PCDHGB2: variants seen among roughly 807,000 people sequenced by gnomAD.
PCDHGB2 encodes protocadherin gamma subfamily B, 2.
PCDHGB2 carries 55 observed loss-of-function variants against 59.3 expected under a neutral mutation model. The ratio of observed to expected loss-of-function variants is 0.93; its 90% confidence interval spans 0.75 to 1.16. PCDHGB2 has a LOEUF of 1.16. Among genes scored for constraint, PCDHGB2 ranks in the 50% most tolerant of loss-of-function variants. The pLI, the probability that PCDHGB2 is intolerant of heterozygous loss-of-function variation, is 0.00. For missense variants in PCDHGB2, 1,228 were observed against 1,198.5 expected (o/e 1.02, Z -0.36); for synonymous variants, 516 against 512.0 (o/e 1.01, Z -0.11).
intron 1 of PCDHGB2, chr5:141,365,288 G>A (rs1293975471): frequency 6.2e-7 from 1 of 1,613,960 alleles, no homozygotes; most frequent in Non-Finnish European, 8.5e-7. Context: ...CATGGAAGTG[G>A]TAGCTCAGGA....
chr5:141,431,420 G>A lies in PCDHGB2; in HGVS notation c.2422-63387G>A, dbSNP rs780266425. ...TACGGCCTCCGACGGGGGCGACCCG[G>A]TGCGCACAGGCACCGCGCGCATCCG... On this transcript the variant is annotated intron_variant, in intron 1 of 3. Coordinates refer to ENST00000522605, the MANE Select transcript of PCDHGB2 (RefSeq NM_018923.3). The surrounding 1 kb of genome is among the most constrained non-coding windows in gnomAD (Gnocchi z 4.8). 5 of 1,613,592 alleles carry A rather than the reference G, an allele frequency of 3.1e-6. No homozygotes were observed. The highest frequency in any genetic ancestry group is 3.4e-6 in the Non-Finnish European group (4 of 1,180,050).
chr5:141,421,362 C>T (rs2096566609), intron 1 of PCDHGB2: 1 of 1,613,998 alleles, frequency 6.2e-7, no homozygotes, highest in African/African-American at 1.3e-5. Context: ...AGGGCTCCTT[C>T]GTGGGCAATA....
chr5:141,441,740 G>T (rs1241907865), intron 1 of PCDHGB2: 2 of 364,772 alleles, frequency 5.5e-6, no homozygotes, highest in Non-Finnish European at 1.1e-5. Context: ...ACTAGCTCGC[G>T]CTCGGCGTCA....
chr5:141,405,477 T>A, intron 1 of PCDHGB2: 1 of 1,025,232 alleles, frequency 9.8e-7, no homozygotes, highest in Non-Finnish European at 1.4e-6. Context: ...TGGAATGCAG[T>A]GGTGTGATCT....
At chr5:141,450,152 A>G (rs958894990) in intron 1 of PCDHGB2, among the ~76,000 whole-genome samples, 1 of 151,132 alleles carries the variant, frequency 6.6e-6, no homozygotes, top group East Asian at 2.0e-4. Context: ...GACTACAGGC[A>G]TGTGCCACCA....
chr5:141,403,259 C>G, intron 1 of PCDHGB2: 1 of 1,613,866 alleles, frequency 6.2e-7, no homozygotes, highest in South Asian at 1.1e-5. Context: ...CCCGCGGTGT[C>G]TGGTGAACTT....
intron 1 of PCDHGB2, among the ~76,000 whole-genome samples, chr5:141,444,862 A>G (rs781224880): frequency 1.8e-4 from 28 of 152,198 alleles, no homozygotes; most frequent in Non-Finnish European, 2.9e-4. Flanking sequence ...AAGTCTTACT[A>G]CAGGACAAAG....
intron 1 of PCDHGB2, chr5:141,371,312 A>T (rs889882138): frequency 1.9e-6 from 3 of 1,613,910 alleles, no homozygotes; most frequent in African/African-American, 2.7e-5. Context: ...CTATTGGAGA[A>T]CTGGACTTTG....
chr5:141,505,616 C>A, intron 3 of PCDHGB2, 135 bp downstream of exon 3: 1 of 1,503,160 alleles, frequency 6.7e-7, no homozygotes. Flanking sequence ...CTGAAAGGAC[C>A]CACAATTCCA....
rs1338008428 is a variant in PCDHGB2 at position 141,374,930 on chromosome 5, A to G, written c.2421+12374A>G. The G allele has an allele frequency of 3.1e-6, 5 of 1,613,868 alleles. No homozygotes were observed. Among genetic ancestry groups the G allele is most frequent in the African/African-American group, 1.3e-5 (1 of 74,948 alleles). ...CGGGGAAGTAACTTATTCCTTTGTG[A>G]AGATTACAGAAAAGATCTCACAAAT... is the stretch of plus-strand genomic sequence containing the variant. On this transcript the variant is annotated intron_variant, in intron 1 of 3. Transcript: ENST00000522605.
rs1353509218 is a variant in PCDHGB2, at chr5:141,512,908, TTTATACTC to T, written c.*1737_*1744del. ...CCCTCTTCCTGTGTCTCACGCAAGTTTTATACTCTAATATTTATATGGCTTTTTTTCTT... is the reference window on the plus strand; with the variant it reads ...CCCTCTTCCTGTGTCTCACGCAAGTTTAATATTTATATGGCTTTTTTTCTT... On this transcript the variant is annotated 3_prime_UTR_variant, in exon 4 of 4. Transcript: ENST00000522605. 6.6e-6 allele frequency: 1 copy of T among 152,268 alleles called. No individual in the cohort carries two copies. Among genetic ancestry groups the T allele is most frequent in the Non-Finnish European group, 1.5e-5 (1 of 68,054 alleles). 9.4% of individuals were successfully genotyped at this position (152,268 alleles called of 1,614,324 possible).
intron 1 of PCDHGB2, chr5:141,377,075 T>A (rs552169121): frequency 6.6e-6 from 1 of 152,554 alleles, no homozygotes; most frequent in South Asian, 2.1e-4. Flanking sequence ...GAGAGTCACA[T>A]AATTCTAATG....
At chr5:141,407,958 A>C (rs1018466165) in intron 1 of PCDHGB2, 1 of 660,632 alleles carries the variant, frequency 1.5e-6, no homozygotes, top group African/African-American at 1.8e-5. Context: ...GCCAGTGCAG[A>C]GCAAGCGCTG....
At position 141,365,595 on chromosome 5, in the gene PCDHGB2, T is replaced by A. The variant is rs746207657; in HGVS notation, c.2421+3039T>A. The stretch of plus-strand genomic sequence containing the variant: ...GAGACTTCAGATTATAATATCACTT[T>A]AACCGTCATGGACCATGGAACCCCG... On this transcript the variant is annotated intron_variant, in intron 1 of 3. Transcript: ENST00000522605. 1.9e-6 allele frequency: 3 copies of A among 1,613,672 alleles called. No homozygotes were observed. In the South Asian group the frequency reaches 3.3e-5, roughly 18 times the overall value.
At chr5:141,399,655 G>A in intron 1 of PCDHGB2, 2 of 1,613,730 alleles carry the variant, frequency 1.2e-6, no homozygotes, top group South Asian at 1.1e-5. Context: ...AAGTGGGGTG[G>A]TGTTCGCGCA....
Position 141,423,358 on chromosome 5 carries a change from G to A in PCDHGB2, c.2421+60802G>A, listed in dbSNP as rs202010010. The A allele has an allele frequency of 2.3e-4, 371 of 1,614,078 alleles. 1 individual carries two copies. The highest frequency in any genetic ancestry group is 2.8e-4 in the Non-Finnish European group (334 of 1,180,024). ...CTGCATCTTCCTGGTCTTTGTCATC[G>A]TGCTGCTGGCACTCAGGCTGTGGCG... On this transcript the variant is annotated intron_variant, in intron 1 of 3. Coordinates refer to ENST00000522605, the MANE Select transcript of PCDHGB2 (RefSeq NM_018923.3).
intron 1 of PCDHGB2, chr5:141,441,988 A>G: frequency 3.7e-6 from 1 of 269,936 alleles, no homozygotes; most frequent in Non-Finnish European, 7.3e-6. Flanking sequence ...ATGCGCACCG[A>G]CGAGGTGCTG....
intron 1 of PCDHGB2, among the ~76,000 whole-genome samples, chr5:141,401,064 C>T (rs146303449): frequency 1.3e-5 from 2 of 152,226 alleles, no homozygotes; most frequent in East Asian, 3.9e-4. Flanking sequence ...TATATGTTGG[C>T]TGGGTGCAGT....
chr5:141,428,148 G>A (rs774961575), intron 1 of PCDHGB2: 6 of 1,588,024 alleles, frequency 3.8e-6, no homozygotes, highest in East Asian at 4.5e-5. Flanking sequence ...GCTGCACACG[G>A]GAACCTGCTG....
Sources: allele counts gnomAD v4.1 joint callset (sites outside exome capture counted in the v4.1 genomes callset), GRCh38; gene constraint gnomAD v4.1.1; non-coding constraint Gnocchi (gnomAD v3.1); transcripts MANE v1.5; gene names NCBI Gene and HGNC (gene_info 2026-07-23, HGNC 2026-07-21).